The following ANKRD30BL variants were observed in gnomAD, a reference collection of about 807,000 sequenced individuals.
ANKRD30BL encodes the protein ankyrin repeat domain 30B like, also known as putative ankyrin repeat domain-containing protein 30B-like.
A neutral mutation model predicts 18.4 loss-of-function variants in ANKRD30BL; 20 were observed. The observed-to-expected ratio is 1.09, with a 90% CI of 0.77 to 1.58. The LOEUF (loss-of-function observed/expected upper bound fraction) is 1.58. Among genes scored for constraint, ANKRD30BL ranks in the 40% most tolerant of loss-of-function variants. ANKRD30BL has a pLI of 0.00. For synonymous variants in ANKRD30BL, 72 were observed against 100.9 expected (o/e 0.71, Z 1.72); for missense variants, 224 against 268.6 (o/e 0.83, Z 1.16).
intron 1 of ANKRD30BL, among the ~76,000 whole-genome samples, chr2:132,170,631 A>G (rs1433349982): frequency 1.3e-5 from 2 of 152,208 alleles, no homozygotes; most frequent in African/African-American, 4.8e-5. Context: ...AATACCTATT[A>G]AGGAATAAGA....
chr2:132,164,798 G>A, upstream of ANKRD30BL, among the ~76,000 whole-genome samples: 1 of 152,158 alleles, frequency 6.6e-6, no homozygotes, highest in African/African-American at 2.4e-5. Context: ...CAGGCCAGGT[G>A]CAGTGGCTCA....
intron 1 of ANKRD30BL, among the ~76,000 whole-genome samples, chr2:132,232,090 G>A (rs1000295614): frequency 5.9e-5 from 9 of 152,162 alleles, no homozygotes; most frequent in Admixed American, 1.3e-4. Context: ...CACCTCACAC[G>A]GCAGGGTATT....
intron 1 of ANKRD30BL, among the ~76,000 whole-genome samples, chr2:132,194,103 G>A (rs113759870): frequency 0.011 from 1,660 of 150,140 alleles, 29 homozygotes; most frequent in African/African-American, 0.039. Context: ...TCCCCACTCC[G>A]ATACTCTCTC....
intron 1 of ANKRD30BL, among the ~76,000 whole-genome samples, chr2:132,170,408 G>C (rs1688257962): frequency 6.6e-6 from 1 of 152,162 alleles, no homozygotes; most frequent in Non-Finnish European, 1.5e-5. Context: ...CTCCGTCCTG[G>C]AACAGAAGAG....
chr2:132,236,137 T>G (rs959549944), intron 1 of ANKRD30BL, among the ~76,000 whole-genome samples: 1 of 152,100 alleles, frequency 6.6e-6, no homozygotes, highest in Non-Finnish European at 1.5e-5. Flanking sequence ...GCTAGCCATA[T>G]GTAGAAAGCT....
At chr2:132,252,343 G>A (rs72866791) in intron 1 of ANKRD30BL, among the ~76,000 whole-genome samples, 5 of 152,138 alleles carry the variant, frequency 3.3e-5, no homozygotes, top group African/African-American at 7.2e-5. Context: ...GCCCTGCCCC[G>A]ACATGGAAGC....
intron 1 of ANKRD30BL, among the ~76,000 whole-genome samples, chr2:132,190,686 A>G (rs1195477233): frequency 6.6e-6 from 1 of 152,206 alleles, no homozygotes; most frequent in Non-Finnish European, 1.5e-5. Flanking sequence ...AACTGGGTAA[A>G]CATAATTGAT....
At chr2:132,174,298 G>C (rs1688327619) in intron 1 of ANKRD30BL, among the ~76,000 whole-genome samples, 1 of 152,188 alleles carries the variant, frequency 6.6e-6, no homozygotes, top group Admixed American at 6.5e-5. Flanking sequence ...ACTAGTATTA[G>C]CCAGAAGGGT....
upstream of ANKRD30BL, among the ~76,000 whole-genome samples, chr2:132,165,534 G>A (rs1182028814): frequency 1.4e-5 from 2 of 145,930 alleles, no homozygotes; most frequent in South Asian, 4.4e-4. Flanking sequence ...CAAATCAACA[G>A]GTTATATTGT....
At chr2:132,231,743 G>A (rs1434627492) in intron 1 of ANKRD30BL, among the ~76,000 whole-genome samples, 4 of 152,188 alleles carry the variant, frequency 2.6e-5, no homozygotes, top group Non-Finnish European at 5.9e-5. Context: ...AAACTGCAAG[G>A]TGGCAGCGAG....
At chr2:132,235,921 C>G (rs1680139280) in intron 1 of ANKRD30BL, among the ~76,000 whole-genome samples, 1 of 152,156 alleles carries the variant, frequency 6.6e-6, no homozygotes, top group African/African-American at 2.4e-5. Context: ...AGGCATCACA[C>G]TACCTGACTT....
chr2:132,219,029 C>T (rs1267433786), intron 1 of ANKRD30BL, among the ~76,000 whole-genome samples: 6 of 152,166 alleles, frequency 3.9e-5, no homozygotes, highest in Non-Finnish European at 7.3e-5. Context: ...TGTGTGCATT[C>T]AACTCACAGA....
At chr2:132,160,219 A>G (rs1210517738) in intron 1 of ANKRD30BL, among the ~76,000 whole-genome samples, 1 of 151,952 alleles carries the variant, frequency 6.6e-6, no homozygotes, top group African/African-American at 2.4e-5. Flanking sequence ...CTCCCTCCTC[A>G]GCCTCCCGAG....
At chr2:132,240,507 C>T (rs1680286582) in intron 1 of ANKRD30BL, among the ~76,000 whole-genome samples, 1 of 151,802 alleles carries the variant, frequency 6.6e-6, no homozygotes. Context: ...AAAAACTAGA[C>T]AGAAGAATTC....
At chr2:132,167,332 T>C (rs1244060676) in intron 1 of ANKRD30BL, among the ~76,000 whole-genome samples, 1 of 131,472 alleles carries the variant, frequency 7.6e-6, no homozygotes, top group African/African-American at 3.1e-5. Context: ...TTTATTTTAT[T>C]TTATTTTATT....
chr2:132,191,194 C>A, intron 1 of ANKRD30BL, among the ~76,000 whole-genome samples: 1 of 152,098 alleles, frequency 6.6e-6, no homozygotes, highest in Non-Finnish European at 1.5e-5. Context: ...TATAATATAC[C>A]TACTGTTGTT....
chr2:132,210,632 G>A (rs1679321270), intron 1 of ANKRD30BL, among the ~76,000 whole-genome samples: 1 of 151,714 alleles, frequency 6.6e-6, no homozygotes, highest in Non-Finnish European at 1.5e-5. Context: ...TGATTGAGCA[G>A]ATTTGAAGCA....
intron 1 of ANKRD30BL, among the ~76,000 whole-genome samples, chr2:132,232,499 T>C (rs975349936): frequency 6.6e-6 from 1 of 152,080 alleles, no homozygotes; most frequent in Non-Finnish European, 1.5e-5. Flanking sequence ...AAGGAGCTGA[T>C]GGAGCTGAAA....
upstream of ANKRD30BL, among the ~76,000 whole-genome samples, chr2:132,165,115 G>A (rs145557422): frequency 0.016 from 2,486 of 152,088 alleles, 24 homozygotes; most frequent in Middle Eastern, 0.034. Context: ...GCATACTATC[G>A]TGATTCCACA....
Sources: gnomAD v4.1 joint callset for allele counts (sites outside exome capture counted in the v4.1 genomes callset) on GRCh38, gnomAD v4.1.1 for gene constraint, MANE v1.5 for transcripts, NCBI Gene and HGNC (gene_info 2026-07-23, HGNC 2026-07-21) for gene names.